Variants in SLC16A9 observed in about 807,000 individuals in gnomAD.
The protein encoded by SLC16A9 is monocarboxylate transporter 9.
SLC16A9 carries 26 observed loss-of-function variants against 44.3 expected under a neutral mutation model. The observed-to-expected ratio is 0.59, with a 90% CI of 0.43 to 0.81. The LOEUF is 0.81. SLC16A9 is among the 40% of genes least tolerant of loss of function. SLC16A9 has a pLI of 0.00. For synonymous variants in SLC16A9, 230 were observed against 225.1 expected (o/e 1.02, Z -0.19); for missense variants, 559 against 595.8 (o/e 0.94, Z 0.64).
At position 59,697,359 on chromosome 10, in the gene SLC16A9, T is replaced by C. The variant is rs934551743; in HGVS notation, c.-37+12120A>G. On this transcript the variant is annotated intron_variant, in intron 1 of 5. Coordinates refer to ENST00000395348, the MANE Select transcript of SLC16A9 (RefSeq NM_194298.3). ...GTGTCTGTGTAGAAAGAGGTAGACA[T>C]GGGAGACTTTTCATTTTGTTCTGTA... Among the ~76,000 whole-genome samples the C allele has an allele frequency of 1.2e-3, 183 of 150,754 alleles. 1 individual carries two copies. Among genetic ancestry groups the C allele is most frequent in the Non-Finnish European group, 2.1e-4 (14 of 67,302 alleles).
rs1016253969 is a variant in SLC16A9 at position 59,689,976 on chromosome 10, C to T, written c.-36-5649G>A. On this transcript the variant is annotated intron_variant, in intron 1 of 5. Transcript: ENST00000395348. ...AAAAATTCCAAATTAACTAAAACTT[C>T]CACTAAGCCCATTTATCCTAATGTT... Among the ~76,000 whole-genome samples, 4 of 152,150 alleles carry T rather than the reference C, an allele frequency of 2.6e-5. No individual in the cohort carries two copies. In the South Asian group the frequency reaches 8.3e-4, roughly 32 times the overall value.
chr10:59,694,000 C>G (rs1430090502), intron 1 of SLC16A9, among the ~76,000 whole-genome samples: 1 of 143,786 alleles, frequency 7.0e-6, no homozygotes, highest in Non-Finnish European at 1.5e-5. Flanking sequence ...TGCAGTGGCG[C>G]TATCTCGGCT....
rs534949205 is a variant in SLC16A9 at position 59,673,246 on chromosome 10, G to T, written c.197-333C>A. On this transcript the variant is annotated intron_variant, in intron 2 of 5. Transcript: ENST00000395348. The stretch of plus-strand genomic sequence containing the variant: ...CTATTCGGTCTTGGGCAACTTATTT[G>T]ATCATTCTGTGCCTTAGTTTCCTCA... Among the ~76,000 whole-genome samples, 8 of 152,248 alleles carry T rather than the reference G, an allele frequency of 5.3e-5. No homozygotes were observed. In the East Asian group the frequency reaches 1.2e-3, roughly 22 times the overall value.
intron 3 of SLC16A9, among the ~76,000 whole-genome samples, chr10:59,667,219 T>G (rs1415412859): frequency 6.6e-6 from 1 of 152,206 alleles, no homozygotes; most frequent in Middle Eastern, 3.2e-3. Context: ...AAACTATCAC[T>G]TAACAAATTT....
chr10:59,704,250 C>G (rs189106536), intron 1 of SLC16A9, among the ~76,000 whole-genome samples: 1 of 152,144 alleles, frequency 6.6e-6, no homozygotes, highest in African/African-American at 2.4e-5. Flanking sequence ...TTAGTTTCAC[C>G]TGTGCTATCC....
At chr10:59,660,882 A>G (rs543724170) in intron 4 of SLC16A9, among the ~76,000 whole-genome samples, 10 of 152,348 alleles carry the variant, frequency 6.6e-5, no homozygotes, top group African/African-American at 2.4e-4. Flanking sequence ...CCATCACATA[A>G]ACAAAACCAA....
intron 1 of SLC16A9, among the ~76,000 whole-genome samples, chr10:59,696,157 G>A (rs991347623): frequency 3.3e-5 from 5 of 152,062 alleles, no homozygotes; most frequent in South Asian, 2.1e-4. Context: ...ATGCCCAGCC[G>A]AAGCTGGACT....
intron 1 of SLC16A9, among the ~76,000 whole-genome samples, chr10:59,709,126 C>T (rs562373326): frequency 2.6e-5 from 4 of 152,294 alleles, no homozygotes; most frequent in Non-Finnish European, 4.4e-5. Flanking sequence ...TGCTCTTCCA[C>T]CAGCAACCCT....
chr10:59,674,502 C>A (rs1839818393), intron 2 of SLC16A9, among the ~76,000 whole-genome samples: 1 of 152,178 alleles, frequency 6.6e-6, no homozygotes, highest in Non-Finnish European at 1.5e-5. Flanking sequence ...GGGAAATATT[C>A]TGTGCCAGTA....
intron 3 of SLC16A9, among the ~76,000 whole-genome samples, chr10:59,670,517 C>T (rs1406354731): frequency 1.3e-5 from 2 of 152,224 alleles, no homozygotes; most frequent in Non-Finnish European, 1.5e-5. Context: ...CCCACATGGT[C>T]TAACCCCAGA....
At position 59,656,029 on chromosome 10, in the gene SLC16A9, A is replaced by G. The variant is rs528788756; in HGVS notation, c.437-1440T>C. 2.6e-5 allele frequency among the ~76,000 whole-genome samples: 4 copies of G among 152,306 alleles called. No homozygotes were observed. In the South Asian group the frequency reaches 8.3e-4, roughly 32 times the overall value. On this transcript the variant is annotated intron_variant, in intron 4 of 5. Transcript: ENST00000395348. ...TTTTAAAGTTAACCCCTTCATTCCC[A>G]AAAGGAAAAAAAACTTTGCATGCAA... is the stretch of plus-strand genomic sequence containing the variant.
At position 59,652,265 on chromosome 10, in the gene SLC16A9, T is replaced by G. The variant is rs561433808; in HGVS notation, c.*507A>C. ...TCCACTGCAATTCTTAAGGCTGTTT[T>G]AGTCGCCACTTTAATTTCCTGGCTG... On this transcript the variant is annotated 3_prime_UTR_variant, in exon 6 of 6. Transcript: ENST00000395348. The G allele has an allele frequency of 1.3e-5, 2 of 152,436 alleles. No homozygotes were observed. The highest frequency in any genetic ancestry group is 4.8e-5 in the African/African-American group (2 of 41,594). The allele number at this position is 152,436 out of a possible 1,614,324, so 9.4% of individuals were successfully genotyped here.
chr10:59,705,465 C>T (rs1589002608), intron 1 of SLC16A9, among the ~76,000 whole-genome samples: 1 of 152,040 alleles, frequency 6.6e-6, no homozygotes. Flanking sequence ...AATAATGCCT[C>T]CCTAGATAAC....
At chr10:59,707,530 T>C (rs1447489426) in intron 1 of SLC16A9, among the ~76,000 whole-genome samples, 5 of 148,734 alleles carry the variant, frequency 3.4e-5, no homozygotes, top group South Asian at 2.1e-4. Flanking sequence ...ATAGTCACTA[T>C]AGTCACAATT....
intron 1 of SLC16A9, among the ~76,000 whole-genome samples, chr10:59,696,907 A>G (rs12771350): frequency 0.097 from 12,975 of 133,422 alleles, 822 homozygotes; most frequent in Non-Finnish European, 0.13. Context: ...TCTCCGCCCG[A>G]CAGCCACCCC....
chr10:59,693,974 G>T lies in SLC16A9; in HGVS notation c.-36-9647C>A, dbSNP rs989734645. On this transcript the variant is annotated intron_variant, in intron 1 of 5. Coordinates refer to ENST00000395348, the MANE Select transcript of SLC16A9 (RefSeq NM_194298.3). ...TTATTTTGAGATGGAGTCTCGCTCT[G>T]TCGCCCAGGCTGGAGTGCAGTGGCG... is the stretch of plus-strand genomic sequence containing the variant. Among the ~76,000 whole-genome samples, 433 of 129,142 alleles carry T rather than the reference G, an allele frequency of 3.4e-3. No individual in the cohort carries two copies. The Middle Eastern group carries it at 0.045, about 14-fold the overall frequency. The allele number at this position is 129,142 out of a possible 152,430, so 84.7% of individuals were successfully genotyped here. A position where few individuals can be genotyped will look rare whatever the true frequency, so the allele number is the denominator to read the frequency against.
At chr10:59,677,170 C>T (rs76953314) in intron 2 of SLC16A9, among the ~76,000 whole-genome samples, 5,579 of 151,558 alleles carry the variant, frequency 0.037, 157 homozygotes, top group Non-Finnish European at 0.042. Context: ...TATTAGTGTT[C>T]AAGAGCCAAT....
At chr10:59,684,412 T>TA in intron 1 of SLC16A9, 85 bp from the exon 2 acceptor site, 2 of 568,386 alleles carry the variant, frequency 3.5e-6, no homozygotes, top group Non-Finnish European at 5.5e-6. Flanking sequence ...CCTCCTAAAG[T>TA]GAAAAAAAAA....
chr10:59,678,744 C>A (rs1343349193), intron 2 of SLC16A9, among the ~76,000 whole-genome samples: 3 of 147,442 alleles, frequency 2.0e-5, no homozygotes, highest in Non-Finnish European at 4.5e-5. Context: ...GGGTTTTCAC[C>A]TTGTTAGCCA....
Sources: allele counts gnomAD v4.1 joint callset (sites outside exome capture counted in the v4.1 genomes callset), GRCh38; gene constraint gnomAD v4.1.1; transcripts MANE v1.5; gene names NCBI Gene and HGNC (gene_info 2026-07-23, HGNC 2026-07-21).